Variants in GPC5 observed in about 807,000 individuals in gnomAD.
The protein encoded by GPC5 is glypican-5.
In GPC5, 47 loss-of-function variants were observed where a neutral mutation model predicts 53.9. That is an observed-to-expected ratio of 0.87 (90% confidence interval 0.69 to 1.11). GPC5 has a LOEUF of 1.11. Among genes scored for constraint, GPC5 ranks in the 50% most tolerant of loss-of-function variants. The pLI is 0.00. For synonymous variants in GPC5, 286 were observed against 263.3 expected, an observed-to-expected ratio of 1.09 and a Z score of -0.84; for missense variants, 748 against 713.1, an observed-to-expected ratio of 1.05 and a Z score of -0.56.
intron 5 of GPC5, among the ~76,000 whole-genome samples, chr13:91,842,893 A>C (rs73609315): frequency 0.075 from 11,400 of 152,192 alleles, 639 homozygotes; most frequent in African/African-American, 0.15. Context: ...TTATTCAGAT[A>C]AATGGAATCC....
intron 6 of GPC5, among the ~76,000 whole-genome samples, chr13:91,960,963 C>T (rs1385532739): frequency 6.6e-6 from 1 of 151,560 alleles, no homozygotes; most frequent in African/African-American, 2.4e-5. Flanking sequence ...GGGAAACACT[C>T]CAGGATATGA....
intron 7 of GPC5, among the ~76,000 whole-genome samples, chr13:92,697,231 G>C (rs748465656): frequency 1.3e-5 from 2 of 152,126 alleles, no homozygotes; most frequent in African/African-American, 2.4e-5. Flanking sequence ...CCAATTCTGT[G>C]AAGAAAGTCA....
At chr13:92,331,663 G>C (rs2043288709) in intron 7 of GPC5, among the ~76,000 whole-genome samples, 1 of 144,488 alleles carries the variant, frequency 6.9e-6, no homozygotes, top group Admixed American at 7.1e-5. Flanking sequence ...TCTCACAAAT[G>C]ATTAATAATA....
chr13:91,498,825 G>C (rs1884453708), intron 2 of GPC5, among the ~76,000 whole-genome samples: 1 of 151,984 alleles, frequency 6.6e-6, no homozygotes, highest in Non-Finnish European at 1.5e-5. Flanking sequence ...ACAAAAATTA[G>C]CTGGGCGTGG....
intron 6 of GPC5, among the ~76,000 whole-genome samples, chr13:92,109,340 T>C (rs2041537804): frequency 6.6e-6 from 1 of 152,104 alleles, no homozygotes; most frequent in Non-Finnish European, 1.5e-5. Flanking sequence ...GTGCCAGGAT[T>C]ATAGGCAGAA....
At chr13:92,809,288 T>C (rs929742047) in intron 7 of GPC5, among the ~76,000 whole-genome samples, 1 of 152,158 alleles carries the variant, frequency 6.6e-6, no homozygotes, top group Non-Finnish European at 1.5e-5. Context: ...CATCATTCAA[T>C]ATAGATACTT....
At chr13:92,055,040 A>G (rs538605438) in intron 6 of GPC5, among the ~76,000 whole-genome samples, 44 of 152,260 alleles carry the variant, frequency 2.9e-4, no homozygotes, top group African/African-American at 1.0e-3. Context: ...TGATTTCTCT[A>G]TTGTTGTATT....
At chr13:92,532,721 G>A (rs555205452) in intron 7 of GPC5, among the ~76,000 whole-genome samples, 115 of 152,200 alleles carry the variant, frequency 7.6e-4, no homozygotes, top group Non-Finnish European at 1.3e-3. Flanking sequence ...TATTTTCACT[G>A]GGGTTTCAGG....
intron 5 of GPC5, among the ~76,000 whole-genome samples, chr13:91,812,434 C>T (rs994945789): frequency 6.6e-6 from 1 of 152,140 alleles, no homozygotes; most frequent in African/African-American, 2.4e-5. Flanking sequence ...TACTTTAGCA[C>T]ACTAGCTGCT....
At chr13:91,415,855 A>G (rs933359711) in intron 1 of GPC5, among the ~76,000 whole-genome samples, 1 of 152,140 alleles carries the variant, frequency 6.6e-6, no homozygotes, top group African/African-American at 2.4e-5. Context: ...AGAAGGTGAT[A>G]TCATTTCTTC....
chr13:92,503,741 C>G (rs898548401), intron 7 of GPC5, among the ~76,000 whole-genome samples: 2 of 151,760 alleles, frequency 1.3e-5, no homozygotes, highest in Non-Finnish European at 2.9e-5. Context: ...CACAAAAAAT[C>G]CTACACACCA....
Position 91,713,457 on chromosome 13 carries a change from T to G in GPC5, c.1021-15075T>G, listed in dbSNP as rs2036271881. Among the ~76,000 whole-genome samples, 5 of 152,262 alleles carry G rather than the reference T, an allele frequency of 3.3e-5. No individual in the cohort carries two copies. In the South Asian group the frequency reaches 1.0e-3, roughly 32 times the overall value. On this transcript the variant is annotated intron_variant, in intron 3 of 7. Coordinates refer to ENST00000377067, the MANE Select transcript of GPC5 (RefSeq NM_004466.6). ...CGAACGTGGAAAGCAGTCATGTCTT[T>G]TCTCCTTTCCTTTCCCGTCATTTTC...
intron 7 of GPC5, among the ~76,000 whole-genome samples, chr13:92,182,493 G>T (rs1338443153): frequency 3.9e-5 from 6 of 152,168 alleles, no homozygotes; most frequent in Admixed American, 3.9e-4. Context: ...TGGGTATAAT[G>T]AGTCAATTTA....
intron 6 of GPC5, among the ~76,000 whole-genome samples, chr13:92,108,194 TC>T (rs1378578034): frequency 6.6e-6 from 1 of 152,136 alleles, no homozygotes; most frequent in East Asian, 1.9e-4. Context: ...AAACTCCACA[TC>T]AACAATAATT....
chr13:92,628,605 C>T (rs184842457), intron 7 of GPC5, among the ~76,000 whole-genome samples: 1 of 151,978 alleles, frequency 6.6e-6, no homozygotes, highest in Admixed American at 6.6e-5. Flanking sequence ...GCAACGTGTC[C>T]CCAGCATCAC....
intron 7 of GPC5, among the ~76,000 whole-genome samples, chr13:92,559,511 C>A (rs1882623563): frequency 6.6e-6 from 1 of 151,738 alleles, no homozygotes; most frequent in South Asian, 2.1e-4. Context: ...GCACACCTTT[C>A]ATTTGCAAAT....
At chr13:92,127,185 C>T (rs1009226855) in intron 6 of GPC5, among the ~76,000 whole-genome samples, 9 of 151,772 alleles carry the variant, frequency 5.9e-5, no homozygotes, top group East Asian at 1.9e-4. Flanking sequence ...TGGATGAAAG[C>T]GTGAATGAAA....
intron 2 of GPC5, among the ~76,000 whole-genome samples, chr13:91,612,478 G>A (rs1441194721): frequency 6.6e-6 from 1 of 152,046 alleles, no homozygotes; most frequent in African/African-American, 2.4e-5. Context: ...AGATTCTATG[G>A]AGCAGATATG....
intron 7 of GPC5, among the ~76,000 whole-genome samples, chr13:92,186,142 C>A (rs1348594479): frequency 6.6e-6 from 1 of 151,850 alleles, no homozygotes; most frequent in Non-Finnish European, 1.5e-5. Context: ...GTGATGCAAG[C>A]AGAACATTGA....
Sources: gnomAD v4.1 joint callset for allele counts (sites outside exome capture counted in the v4.1 genomes callset) on GRCh38, gnomAD v4.1.1 for gene constraint, MANE v1.5 for transcripts, NCBI Gene and HGNC (gene_info 2026-07-23, HGNC 2026-07-21) for gene names.